UBL7: variants seen among roughly 807,000 people sequenced by gnomAD.
UBL7 encodes the protein ubiquitin like 7.
A neutral mutation model predicts 41.7 loss-of-function variants in UBL7; 21 were observed. The observed-to-expected ratio is 0.50, with a 90% CI of 0.36 to 0.73. The LOEUF is 0.73. Ranked by LOEUF, UBL7 falls within the 30% of genes least tolerant of loss-of-function variation. The probability of loss-of-function intolerance (pLI) is 0.00; values close to 1 mark genes in which losing one functional copy is unlikely to be tolerated. For missense variants in UBL7, 403 were observed against 478.4 expected, an observed-to-expected ratio of 0.84 and a Z score of 1.47; for synonymous variants, 157 against 186.9, an observed-to-expected ratio of 0.84 and a Z score of 1.31.
rs1352150789 is a variant in UBL7, at chr15:74,449,596, G to A, written c.714+30C>T. ...CCAGCACCATCTCCCCCACATGTCA[G>A]CATGTCAGGCAGGCAGGCAGGCCAC... On this transcript the variant is annotated intron_variant, in intron 8 of 10. Coordinates refer to ENST00000395081, the MANE Select transcript of UBL7 (RefSeq NM_032907.5). The A allele has an allele frequency of 1.9e-6, 3 of 1,614,038 alleles. No individual in the cohort carries two copies. The Admixed American group carries it at 5.0e-5, about 27-fold the overall frequency.
At position 74,448,569 on chromosome 15, in the gene UBL7, G is replaced by A; in HGVS notation, c.914C>T (p.Ser305Phe). ...GATGGGCGTCCCTGACTGGACACCA[G>A]AGGACATTGGTGAGGTCCCTGAGGA... ...GHSSGTSPMS[S>F]GVQSGTPITN... The change falls in exon 10 of 11, where the codon TCT (serine) becomes TTT (phenylalanine). Residue 305 changes from serine to phenylalanine, a missense_variant. Transcript: ENST00000395081. The A allele has an allele frequency of 2.5e-6, 4 of 1,614,078 alleles. No homozygotes were observed. In the South Asian group the frequency reaches 3.3e-5, roughly 13 times the overall value.
At position 74,450,044 on chromosome 15, in the gene UBL7, C is replaced by T. The variant is rs148257167; in HGVS notation, c.556G>A (p.Val186Ile). 3.5e-5 allele frequency: 57 copies of T among 1,613,500 alleles called. No individual in the cohort carries two copies. In the East Asian group the frequency reaches 9.6e-4, roughly 27 times the overall value. Residue 186 changes from valine (V) to isoleucine (I), a missense_variant, in exon 7 of 11, where the codon GTC becomes ATC. Coordinates refer to ENST00000395081, the MANE Select transcript of UBL7 (RefSeq NM_032907.5). ...DTLVPAHPAL[V>I]NAIVLVLHSV... ...TGCAGAACCAGGACAATGGCATTGA[C>T]GAGGGCTGGGTGAGCAGGCACCAAC...
At chr15:74,451,214 C>T (rs1478407236) in intron 5 of UBL7, among the ~76,000 whole-genome samples, 2 of 152,130 alleles carry the variant, frequency 1.3e-5, no homozygotes, top group African/African-American at 2.4e-5. Flanking sequence ...CATTTGGCAT[C>T]CTCATACCCT....
At chr15:74,456,412 A>G (rs2061294908) in intron 3 of UBL7, 140 bp downstream of exon 3, 3 of 1,124,928 alleles carry the variant, frequency 2.7e-6, no homozygotes, top group Non-Finnish European at 3.7e-6. Flanking sequence ...CTAATCCAAT[A>G]AGTAATAAAG....
chr15:74,458,873 CTCTT>C lies in UBL7; in HGVS notation c.-10_-7del, dbSNP rs756519027. The C allele has an allele frequency of 6.2e-7, 1 of 1,608,020 alleles. No homozygotes were observed. Among genetic ancestry groups the C allele is most frequent in the Non-Finnish European group, 8.5e-7 (1 of 1,180,002 alleles). Reference sequence around the variant, plus strand: ...TGCCAGTCTGAGAGAGACATCCTCTCTCTTTCGCGCTCTCTCTTTCTCCCTGTAA... The same window carrying C: ...TGCCAGTCTGAGAGAGACATCCTCTCTCGCGCTCTCTCTTTCTCCCTGTAA... On this transcript the variant is annotated 5_prime_UTR_variant, in exon 2 of 11. Transcript: ENST00000395081.
At chr15:74,460,458 G>A (rs2061338082) in intron 1 of UBL7, among the ~76,000 whole-genome samples, 1 of 152,104 alleles carries the variant, frequency 6.6e-6, no homozygotes, top group Admixed American at 6.6e-5. Flanking sequence ...AACTCTGCAT[G>A]TAATTTCTCT....
chr15:74,447,173 T>C (rs527761590), intron 10 of UBL7, among the ~76,000 whole-genome samples: 3 of 152,348 alleles, frequency 2.0e-5, no homozygotes, highest in African/African-American at 7.2e-5. Context: ...GTTCCCTCAC[T>C]GTCTACAAGG....
At chr15:74,457,664 G>A (rs1026431350) in intron 2 of UBL7, among the ~76,000 whole-genome samples, 1 of 149,776 alleles carries the variant, frequency 6.7e-6, no homozygotes, top group South Asian at 2.1e-4. Flanking sequence ...CTGAACCTGG[G>A]AGACAGAGGT....
intron 4 of UBL7, 71 bp from the exon 5 acceptor site, chr15:74,451,591 C>A: frequency 1.6e-6 from 2 of 1,233,124 alleles, no homozygotes; most frequent in Non-Finnish European, 2.4e-6. Flanking sequence ...CACACTCTGC[C>A]AAAGGACTTC....
rs1262302663 is a variant in UBL7 at position 74,456,647 on chromosome 15, A to C, written c.209T>G (p.Leu70Arg). 1 of 1,614,188 alleles carries C rather than the reference A, an allele frequency of 6.2e-7. No homozygotes were observed. The highest frequency in any genetic ancestry group is 1.7e-5 in the Admixed American group (1 of 60,028). The change falls in exon 3 of 11, where the codon CTA (leucine) becomes CGA (arginine). Residue 70 changes from leucine to arginine, a missense_variant. By Grantham distance (102) the Leu-to-Arg change is moderately radical. Coordinates refer to ENST00000395081, the MANE Select transcript of UBL7 (RefSeq NM_032907.5). The part of the protein sequence containing the change: ...LIDLIYCGRK[L>R]KDDQTLDFYG... ...GAAGTCAAGTGTCTGGTCATCTTTT[A>C]GCTTCCGACCACAGTAGATCAGATC...
In UBL7 at chr15:74,454,782, T is replaced by C. The variant is rs1372223686; in HGVS notation, c.304+1770A>G. On this transcript the variant is annotated intron_variant, in intron 3 of 10. Transcript: ENST00000395081. ...AAGTGAGGTTTTACTCTGGATAGGA[T>C]GCTTTCAGGCAGTGGGAGTGATTTT... Among the ~76,000 whole-genome samples, 3 of 152,320 alleles carry C rather than the reference T, an allele frequency of 2.0e-5. No individual in the cohort carries two copies. The East Asian group carries it at 5.8e-4, about 29-fold the overall frequency.
chr15:74,449,292 C>T lies in UBL7; in HGVS notation c.776G>A (p.Ser259Asn), dbSNP rs2061217495. The change falls in exon 9 of 11, where the codon AGT becomes AAT. Residue 259 changes from serine (S) to asparagine (N), a missense_variant. Ser to Asn is a conservative substitution (Grantham distance 46). Coordinates refer to ENST00000395081, the MANE Select transcript of UBL7 (RefSeq NM_032907.5). ...PSSRPASLGY[S>N]GAAGPRPITQ... ...GATGGGCCGGGGCCCAGCAGCTCCA[C>T]TGTACCCCAGGGAGGCTGGGCGGGA... The T allele has an allele frequency of 6.2e-7, 1 of 1,613,822 alleles. No homozygotes were observed. The highest frequency in any genetic ancestry group is 8.5e-7 in the Non-Finnish European group (1 of 1,179,970).
intron 1 of UBL7, among the ~76,000 whole-genome samples, chr15:74,459,932 CAAAAAAAAA>C (rs55846825): frequency 1.6e-3 from 29 of 18,268 alleles, no homozygotes; most frequent in South Asian, 4.9e-3. Flanking sequence ...GACTCTGTCG[CAAAAAAAAA>C]AAAAAAAAAA....
At chr15:74,459,480 T>C (rs184891079) in intron 1 of UBL7, among the ~76,000 whole-genome samples, 2,137 of 151,228 alleles carry the variant, frequency 0.014, 56 homozygotes, top group African/African-American at 0.048. Flanking sequence ...GGCTAATTTT[T>C]TTTTTTTTTT....
chr15:74,449,324 A>C lies in UBL7; in HGVS notation c.744T>G (p.Thr248=). ...PNTRSTPSSS[T]PSSRPASLGY... ...CCAGGGAGGCTGGGCGGGAGCTGGG[A>C]GTACTGCTAGAGGGTGTGGACCTGG... is the stretch of plus-strand genomic sequence containing the variant. The change falls in exon 9 of 11, where the codon ACT becomes ACG. Residue 248 remains threonine, a synonymous_variant. Transcript: ENST00000395081. 1 of 1,614,074 alleles carries C rather than the reference A, an allele frequency of 6.2e-7. No homozygotes were observed. The highest frequency in any genetic ancestry group is 8.5e-7 in the Non-Finnish European group (1 of 1,180,004).
At position 74,456,751 on chromosome 15, in the gene UBL7, T is replaced by C. The variant is rs1567092197; in HGVS notation, c.185-80A>G. 15 of 1,472,818 alleles carry C rather than the reference T, an allele frequency of 1.0e-5. No individual in the cohort carries two copies. The East Asian group carries it at 3.0e-4, about 29-fold the overall frequency. The allele number at this position is 1,472,818 out of a possible 1,614,324, so 91.2% of individuals were successfully genotyped here. ...TTTTGTCCCGAGAACCTTATTTTGA[T>C]TAGATAGCTGGAGAATGATACATGT... is the stretch of plus-strand genomic sequence containing the variant. On this transcript the variant is annotated intron_variant, in intron 2 of 10. Coordinates refer to ENST00000395081, the MANE Select transcript of UBL7 (RefSeq NM_032907.5).
chr15:74,451,568 C>T (rs1171993745), intron 4 of UBL7, 48 bp from the exon 5 acceptor site: 28 of 1,487,558 alleles, frequency 1.9e-5, no homozygotes, highest in African/African-American at 4.2e-5. Flanking sequence ...GCTCAATGTA[C>T]TCATCAAATG....
chr15:74,456,474 G>C, intron 3 of UBL7, 78 bp downstream of exon 3: 1 of 1,570,260 alleles, frequency 6.4e-7, no homozygotes, highest in Non-Finnish European at 8.7e-7. Flanking sequence ...ACCCAGGCTT[G>C]TGCCTCAAGA....
intron 3 of UBL7, among the ~76,000 whole-genome samples, chr15:74,454,371 G>A (rs1011370020): frequency 6.6e-6 from 1 of 152,048 alleles, no homozygotes; most frequent in African/African-American, 2.4e-5. Flanking sequence ...AGGAAACCGT[G>A]GGCTGTCTCA....
Sources: gnomAD v4.1 joint callset for allele counts (sites outside exome capture counted in the v4.1 genomes callset) on GRCh38, gnomAD v4.1.1 for gene constraint, MANE v1.5 for transcripts, NCBI Gene and HGNC (gene_info 2026-07-23, HGNC 2026-07-21) for gene names.